Variants in CTNNA2 observed in about 807,000 individuals in gnomAD.
The protein encoded by CTNNA2 is catenin alpha 2, also known as catenin alpha-2.
In CTNNA2, 42 loss-of-function variants were observed where a neutral mutation model predicts 101.0. The observed-to-expected ratio is 0.42, with a 90% CI of 0.32 to 0.54. The LOEUF (loss-of-function observed/expected upper bound fraction) is 0.54, where lower values mean the gene tolerates loss of function less well. Ranked by LOEUF, CTNNA2 falls within the 20% of genes least tolerant of loss-of-function variation. The pLI is 0.14. For missense variants in CTNNA2, 871 were observed against 1,223.1 expected (o/e 0.71, Z 4.29); for synonymous variants, 450 against 456.4 (o/e 0.99, Z 0.18).
At chr2:80,385,967 C>T (rs1001247846) in intron 7 of CTNNA2, among the ~76,000 whole-genome samples, 3 of 152,130 alleles carry the variant, frequency 2.0e-5, no homozygotes, top group Admixed American at 1.3e-4. Context: ...GTTACGAGGG[C>T]TGCTACTGAA....
At chr2:79,659,849 A>G (rs1452726067) in intron 2 of CTNNA2, among the ~76,000 whole-genome samples, 1 of 152,132 alleles carries the variant, frequency 6.6e-6, no homozygotes, top group African/African-American at 2.4e-5. Flanking sequence ...TTTTTAAATA[A>G]AAGTTATCCA....
chr2:79,561,393 A>T lies in CTNNA2; in HGVS notation c.-6+48186A>T, dbSNP rs183510395. Among the ~76,000 whole-genome samples the T allele has an allele frequency of 6.7e-3, 1,020 of 152,064 alleles. 7 individuals are homozygous for T. Among genetic ancestry groups the T allele is most frequent in the Non-Finnish European group, 0.011 (747 of 67,874 alleles). Reference sequence around the variant, plus strand: ...ATAATGCTACTATGAGCATTAGTACACAAGTTTTCTTTTATGAACATATGT... The same window carrying T: ...ATAATGCTACTATGAGCATTAGTACTCAAGTTTTCTTTTATGAACATATGT... On this transcript the variant is annotated intron_variant, in intron 1 of 18. Transcript: ENST00000402739.
intron 2 of CTNNA2, among the ~76,000 whole-genome samples, chr2:79,720,210 C>T (rs1431154645): frequency 6.6e-6 from 1 of 151,898 alleles, no homozygotes; most frequent in African/African-American, 2.4e-5. Context: ...TGTAAGTGTG[C>T]CATTTTATTT....
intron 4 of CTNNA2, among the ~76,000 whole-genome samples, chr2:79,480,864 TG>T (rs907187992): frequency 6.6e-6 from 1 of 152,182 alleles, no homozygotes; most frequent in Non-Finnish European, 1.5e-5. Flanking sequence ...CTTGTTTTTT[TG>T]AGGGATATTA....
intron 1 of CTNNA2, among the ~76,000 whole-genome samples, chr2:79,595,691 T>G (rs74668809): frequency 0.032 from 4,848 of 152,172 alleles, 111 homozygotes; most frequent in Non-Finnish European, 0.049. Flanking sequence ...CTACCTTAAT[T>G]TAGACCTTCG....
intron 4 of CTNNA2, among the ~76,000 whole-genome samples, chr2:79,393,630 A>T (rs1030848195): frequency 1.6e-5 from 2 of 123,298 alleles, no homozygotes; most frequent in African/African-American, 1.1e-4. Flanking sequence ...TTCACAGAGA[A>T]AAAAAAAAAA....
chr2:79,533,114 G>A (rs550334680), intron 1 of CTNNA2, among the ~76,000 whole-genome samples: 2 of 151,924 alleles, frequency 1.3e-5, no homozygotes, highest in East Asian at 3.9e-4. Flanking sequence ...TGATGAATTT[G>A]TATCTGATCC....
intron 1 of CTNNA2, among the ~76,000 whole-genome samples, chr2:79,557,148 G>GT (rs1257888149): frequency 6.6e-6 from 1 of 151,974 alleles, no homozygotes; most frequent in East Asian, 1.9e-4. Flanking sequence ...GAATAGGTCA[G>GT]TTTTTTGTTT....
chr2:79,208,705 C>A (rs1488626918), intron 2 of CTNNA2, among the ~76,000 whole-genome samples: 2 of 152,262 alleles, frequency 1.3e-5, no homozygotes, highest in Middle Eastern at 3.4e-3. Context: ...TTTTGGTTCC[C>A]ATTCAGGGCC....
chr2:79,940,733 C>T (rs759754423), intron 7 of CTNNA2, among the ~76,000 whole-genome samples: 2 of 152,146 alleles, frequency 1.3e-5, no homozygotes, highest in African/African-American at 4.8e-5. Flanking sequence ...CCTAGCCTAC[C>T]TTAAATGTGT....
rs191161851 is a variant in CTNNA2 at position 80,102,547 on chromosome 2, C to G, written c.1056+192750C>G. 3.9e-5 allele frequency among the ~76,000 whole-genome samples: 6 copies of G among 152,274 alleles called. No homozygotes were observed. In the East Asian group the frequency reaches 7.7e-4, roughly 20 times the overall value. The stretch of plus-strand genomic sequence containing the variant: ...TATTTAGAGACAGAGTCTTCTTGCT[C>G]TATTACCCAGGCTGGAGTTCAGTGG... On this transcript the variant is annotated intron_variant, in intron 7 of 18. Coordinates refer to ENST00000402739, the MANE Select transcript of CTNNA2 (RefSeq NM_001282597.3).
chr2:80,331,295 A>G (rs1201327294), intron 7 of CTNNA2, among the ~76,000 whole-genome samples: 1 of 152,218 alleles, frequency 6.6e-6, no homozygotes, highest in East Asian at 1.9e-4. Flanking sequence ...GCTGTCTCTC[A>G]AATTCTCTTG....
intron 9 of CTNNA2, among the ~76,000 whole-genome samples, chr2:80,529,499 C>T (rs1231439577): frequency 1.3e-5 from 2 of 152,200 alleles, no homozygotes; most frequent in African/African-American, 4.8e-5. Context: ...TAACTAAGCA[C>T]TTACATTGAT....
chr2:79,737,168 C>A (rs200324648), intron 2 of CTNNA2, among the ~76,000 whole-genome samples: 1 of 151,874 alleles, frequency 6.6e-6, no homozygotes, highest in East Asian at 1.9e-4. Flanking sequence ...GCCAACATGG[C>A]GAAACCCCGT....
intron 14 of CTNNA2, among the ~76,000 whole-genome samples, chr2:80,584,563 G>C (rs1369360500): frequency 6.6e-6 from 1 of 151,764 alleles, no homozygotes; most frequent in East Asian, 2.0e-4. Flanking sequence ...CCACAGTCTG[G>C]CATAGTTAAA....
intron 4 of CTNNA2, among the ~76,000 whole-genome samples, chr2:79,435,961 A>G (rs975189178): frequency 1.3e-5 from 2 of 152,226 alleles, no homozygotes; most frequent in Non-Finnish European, 2.9e-5. Context: ...GCTGGACTAG[A>G]AAGTCTGAAT....
intron 18 of CTNNA2, among the ~76,000 whole-genome samples, chr2:80,633,725 T>C (rs1672545363): frequency 6.6e-6 from 1 of 152,226 alleles, no homozygotes; most frequent in Non-Finnish European, 1.5e-5. Context: ...ATGATGGTAT[T>C]CAACTTGTAC....
chr2:80,189,477 G>A (rs568141091), intron 7 of CTNNA2, among the ~76,000 whole-genome samples: 1 of 152,196 alleles, frequency 6.6e-6, no homozygotes, highest in African/African-American at 2.4e-5. Flanking sequence ...CTTCCCTGCA[G>A]CATGGGATCC....
chr2:79,379,606 G>A (rs181498183), intron 4 of CTNNA2, among the ~76,000 whole-genome samples: 2 of 152,120 alleles, frequency 1.3e-5, no homozygotes, highest in African/African-American at 2.4e-5. Flanking sequence ...TGAATAATAC[G>A]ATTGTGGTTA....
Sources: gnomAD v4.1 joint callset for allele counts (sites outside exome capture counted in the v4.1 genomes callset) on GRCh38, gnomAD v4.1.1 for gene constraint, MANE v1.5 for transcripts, NCBI Gene and HGNC (gene_info 2026-07-23, HGNC 2026-07-21) for gene names.